Variants in PROK2 observed in about 807,000 individuals in gnomAD.
PROK2 encodes prokineticin 2, also known as prokineticin-2.
In PROK2, 8 loss-of-function variants were observed where a neutral mutation model predicts 14.2. The ratio of observed to expected loss-of-function variants is 0.56; its 90% CI spans 0.33 to 1.02. The LOEUF (loss-of-function observed/expected upper bound fraction) is 1.02, where lower values mean the gene tolerates loss of function less well. Among genes scored for constraint, PROK2 ranks in the 50% least tolerant of loss-of-function variants. The pLI is 0.03. For synonymous variants in PROK2, 59 were observed against 60.7 expected, an observed-to-expected ratio of 0.97 and a Z score of 0.13; for missense variants, 154 against 160.4, an observed-to-expected ratio of 0.96 and a Z score of 0.22.
intron 2 of PROK2, among the ~76,000 whole-genome samples, chr3:71,775,551 C>T (rs1475846487): frequency 6.6e-6 from 1 of 152,208 alleles, no homozygotes; most frequent in Non-Finnish European, 1.5e-5. Flanking sequence ...CGCCATGGGT[C>T]AGGTCTCAGA....
intron 3 of PROK2, among the ~76,000 whole-genome samples, chr3:71,773,709 C>G (rs2050097815): frequency 6.6e-6 from 1 of 152,112 alleles, no homozygotes. Context: ...GAGAAGAAGG[C>G]AAGCTCAATT....
intron 2 of PROK2, among the ~76,000 whole-genome samples, chr3:71,775,646 G>A (rs1320284421): frequency 6.6e-6 from 1 of 152,118 alleles, no homozygotes; most frequent in East Asian, 1.9e-4. Context: ...TCCTTTTGAG[G>A]TGAAGCAAAG....
chr3:71,779,808 C>T (rs960228561), intron 2 of PROK2, among the ~76,000 whole-genome samples: 3 of 152,082 alleles, frequency 2.0e-5, no homozygotes, highest in Non-Finnish European at 4.4e-5. Flanking sequence ...CGGGGTCTCA[C>T]TATGTTGCCC....
At chr3:71,778,223 A>G (rs908619071) in intron 2 of PROK2, among the ~76,000 whole-genome samples, 1 of 151,940 alleles carries the variant, frequency 6.6e-6, no homozygotes, top group Non-Finnish European at 1.5e-5. Context: ...AAAATAAAAT[A>G]AAATAAAATA....
chr3:71,783,498 T>C (rs796810176), intron 1 of PROK2, among the ~76,000 whole-genome samples: 4 of 152,340 alleles, frequency 2.6e-5, no homozygotes, highest in African/African-American at 9.6e-5. Flanking sequence ...AAGCTTCAGT[T>C]CTTGGAAAAT....
Position 71,785,090 on chromosome 3 carries a change from G to A in PROK2, c.-38C>T. ...ACTGGGCGGCCGCCGGAGGCAGTTG[G>A]GGGCGCGGGGCCCGGGTGCGCTGGG... On this transcript the variant is annotated 5_prime_UTR_variant, in exon 1 of 4. Coordinates refer to ENST00000295619, the MANE Select transcript of PROK2 (RefSeq NM_001126128.2). 1.7e-6 allele frequency: 2 copies of A among 1,197,530 alleles called. No individual in the cohort carries two copies. The highest frequency in any genetic ancestry group is 2.1e-6 in the Non-Finnish European group (2 of 955,354). 74.2% of individuals were successfully genotyped at this position (1,197,530 alleles called of 1,614,324 possible). A position where few individuals can be genotyped will look rare whatever the true frequency, so the allele number is the denominator to read the frequency against.
chr3:71,781,082 T>G (rs779102657), intron 2 of PROK2, among the ~76,000 whole-genome samples: 7 of 152,220 alleles, frequency 4.6e-5, no homozygotes, highest in Non-Finnish European at 8.8e-5. Context: ...TACTTCTGCC[T>G]TATCAGTAGA....
chr3:71,779,475 G>A (rs1000092857), intron 2 of PROK2, among the ~76,000 whole-genome samples: 3 of 152,196 alleles, frequency 2.0e-5, no homozygotes, highest in African/African-American at 7.2e-5. Context: ...TTAACAAGGT[G>A]CAATTATGAT....
chr3:71,779,005 G>A (rs1386153601), intron 2 of PROK2, among the ~76,000 whole-genome samples: 1 of 152,220 alleles, frequency 6.6e-6, no homozygotes, highest in Non-Finnish European at 1.5e-5. Context: ...GCTTATGCAA[G>A]AAGACTGCAT....
intron 2 of PROK2, among the ~76,000 whole-genome samples, chr3:71,777,020 G>A (rs1210057249): frequency 6.6e-6 from 1 of 152,132 alleles, no homozygotes; most frequent in Non-Finnish European, 1.5e-5. Context: ...ACTTATAAAA[G>A]GGCAACATGA....
At chr3:71,777,876 T>C (rs1331451894) in intron 2 of PROK2, among the ~76,000 whole-genome samples, 1 of 151,950 alleles carries the variant, frequency 6.6e-6, no homozygotes, top group East Asian at 1.9e-4. Context: ...AGAAAGTTTC[T>C]TCTAAAGGCA....
intron 2 of PROK2, among the ~76,000 whole-genome samples, chr3:71,775,620 A>G (rs1407512455): frequency 1.3e-5 from 2 of 152,124 alleles, no homozygotes; most frequent in African/African-American, 2.4e-5. Flanking sequence ...TTTGTCTGAG[A>G]TAGAGGTAAG....
At chr3:71,778,647 T>C (rs764632902) in intron 2 of PROK2, among the ~76,000 whole-genome samples, 1 of 152,218 alleles carries the variant, frequency 6.6e-6, no homozygotes, top group Non-Finnish European at 1.5e-5. Context: ...CAGAGCATAA[T>C]TGAATACTGT....
Position 71,772,742 on chromosome 3 carries a change from A to T in PROK2, c.372T>A (p.Ile124=). Residue 124 remains isoleucine (I), a synonymous_variant, in exon 4 of 4, where the codon ATT becomes ATA. Coordinates refer to ENST00000295619, the MANE Select transcript of PROK2 (RefSeq NM_001126128.2). Reference sequence around the variant, plus strand: ...AGAGCGATTACTTTTGGGCTAAACAAATAAATCGGTTAAATGAAGTCCGTA... The same window carrying T: ...AGAGCGATTACTTTTGGGCTAAACATATAAATCGGTTAAATGAAGTCCGTA... ...ACLRTSFNRF[I]CLAQK 6.2e-7 allele frequency: 1 copy of T among 1,614,144 alleles called. No individual in the cohort carries two copies. Among genetic ancestry groups the T allele is most frequent in the South Asian group, 1.1e-5 (1 of 91,084 alleles).
intron 1 of PROK2, 87 bp downstream of exon 1, chr3:71,784,870 G>T: frequency 8.9e-7 from 1 of 1,119,174 alleles, no homozygotes; most frequent in Non-Finnish European, 1.1e-6. Flanking sequence ...TTTGCCTCTA[G>T]CCTGCCCTTC....
chr3:71,784,577 T>G lies in PROK2; in HGVS notation c.96+380A>C, dbSNP rs143090513. ...GCATTTCAGGAAGGGGCCGTCAAAT[T>G]TTAAGGTTCGAGGTTGGAGAGCCTC... is the stretch of plus-strand genomic sequence containing the variant. On this transcript the variant is annotated intron_variant, in intron 1 of 3. Transcript: ENST00000295619. Among the ~76,000 whole-genome samples the G allele has an allele frequency of 7.6e-3, 1,153 of 152,192 alleles. 15 individuals carry two copies. The highest frequency in any genetic ancestry group is 9.2e-3 in the Non-Finnish European group (623 of 68,008).
chr3:71,774,096 AAGCATGGC>A (rs2050100667), intron 3 of PROK2, among the ~76,000 whole-genome samples: 1 of 152,166 alleles, frequency 6.6e-6, no homozygotes, highest in South Asian at 2.1e-4. Context: ...TCCAGAGTTT[AAGCATGGC>A]AGAGGATGTG....
At chr3:71,781,794 G>A (rs923456512) in intron 1 of PROK2, among the ~76,000 whole-genome samples, 15 of 151,944 alleles carry the variant, frequency 9.9e-5, no homozygotes, top group African/African-American at 2.2e-4. Flanking sequence ...CTCATTTTTC[G>A]AAAGTGGGCT....
chr3:71,772,658 A>C lies in PROK2; in HGVS notation c.*66T>G. The C allele has an allele frequency of 7.1e-7, 1 of 1,415,408 alleles. No homozygotes were observed. 87.7% of individuals were successfully genotyped at this position (1,415,408 alleles called of 1,614,324 possible). A position where few individuals can be genotyped will look rare whatever the true frequency, so the allele number is the denominator to read the frequency against. The stretch of plus-strand genomic sequence containing the variant: ...CTTTCTGGCACATTTTTTGTTTGGC[A>C]CAATCACAAGTAAGACTTTACAGGT... On this transcript the variant is annotated 3_prime_UTR_variant, in exon 4 of 4. Coordinates refer to ENST00000295619, the MANE Select transcript of PROK2 (RefSeq NM_001126128.2).
Sources: gnomAD v4.1 joint callset for allele counts (sites outside exome capture counted in the v4.1 genomes callset) on GRCh38, gnomAD v4.1.1 for gene constraint, MANE v1.5 for transcripts, NCBI Gene and HGNC (gene_info 2026-07-23, HGNC 2026-07-21) for gene names.